The following CNTNAP5 variants were observed in gnomAD, a reference collection of about 807,000 sequenced individuals.
CNTNAP5 encodes contactin-associated protein-like 5.
Under a neutral mutation model 150.2 loss-of-function variants are expected in CNTNAP5, and 72 were observed. The observed-to-expected ratio is 0.48, with a 90% CI of 0.40 to 0.58. CNTNAP5 has a LOEUF of 0.58. CNTNAP5 is among the 20% of genes least tolerant of loss of function. CNTNAP5 has a pLI of 0.00. For missense variants in CNTNAP5, 1,636 were observed against 1,626.2 expected, an observed-to-expected ratio of 1.01 and a Z score of -0.10; for synonymous variants, 672 against 619.8, an observed-to-expected ratio of 1.08 and a Z score of -1.25.
chr2:124,185,176 G>A (rs2104686025), intron 1 of CNTNAP5, among the ~76,000 whole-genome samples: 1 of 152,230 alleles, frequency 6.6e-6, no homozygotes. Context: ...AATCCAAGCT[G>A]AAACTCCACA....
At chr2:124,150,139 G>A (rs2141540) in intron 1 of CNTNAP5, among the ~76,000 whole-genome samples, 152,335 of 152,336 alleles carry the variant, frequency 1, 76,167 homozygotes, top group Non-Finnish European at 1. Context: ...ACAAGAGCGT[G>A]TGGATTTATT....
At chr2:124,410,500 G>A (rs1691723569) in intron 3 of CNTNAP5, among the ~76,000 whole-genome samples, 1 of 144,432 alleles carries the variant, frequency 6.9e-6, no homozygotes, top group East Asian at 2.1e-4. Flanking sequence ...CTCAGCAAAT[G>A]TAAAAGAACA....
chr2:124,221,497 T>A (rs1686311311), intron 1 of CNTNAP5, among the ~76,000 whole-genome samples: 1 of 152,066 alleles, frequency 6.6e-6, no homozygotes, highest in South Asian at 2.1e-4. Flanking sequence ...GAACTTAATT[T>A]TCCTCATCTG....
At chr2:124,910,538 A>G (rs993290536) in intron 22 of CNTNAP5, among the ~76,000 whole-genome samples, 6 of 152,020 alleles carry the variant, frequency 3.9e-5, no homozygotes, top group Non-Finnish European at 8.8e-5. Context: ...CTGCCTGCAC[A>G]TCACCAATCT....
chr2:124,910,937 T>TTTC (rs1239386511), intron 22 of CNTNAP5, among the ~76,000 whole-genome samples: 1 of 151,998 alleles, frequency 6.6e-6, no homozygotes, highest in African/African-American at 2.4e-5. Context: ...AAGACTCAGA[T>TTTC]TAAGGCCTGC....
intron 13 of CNTNAP5, among the ~76,000 whole-genome samples, chr2:124,737,295 A>G (rs1680404631): frequency 6.6e-6 from 1 of 151,912 alleles, no homozygotes; most frequent in African/African-American, 2.4e-5. Context: ...CATCTCAAAA[A>G]AAAAAAAAAA....
chr2:124,077,666 G>A (rs1239868713), intron 1 of CNTNAP5, among the ~76,000 whole-genome samples: 2 of 152,114 alleles, frequency 1.3e-5, no homozygotes, highest in East Asian at 3.9e-4. Context: ...TTCTCTCAAT[G>A]CCATCATGCC....
At chr2:124,771,840 C>T (rs1411996154) in intron 16 of CNTNAP5, among the ~76,000 whole-genome samples, 1 of 151,854 alleles carries the variant, frequency 6.6e-6, no homozygotes, top group African/African-American at 2.4e-5. Context: ...CCACCACTAT[C>T]AACACCACCA....
chr2:124,393,271 C>T (rs1691166473), intron 3 of CNTNAP5, among the ~76,000 whole-genome samples: 2 of 152,152 alleles, frequency 1.3e-5, no homozygotes, highest in South Asian at 4.1e-4. Flanking sequence ...TTTCCCATGA[C>T]TTCTCTGACT....
At chr2:124,398,352 G>T (rs569261002) in intron 3 of CNTNAP5, among the ~76,000 whole-genome samples, 47 of 152,274 alleles carry the variant, frequency 3.1e-4, no homozygotes, top group Admixed American at 7.2e-4. Context: ...TAAGGAATTA[G>T]TTCCCTGTTG....
chr2:124,422,986 A>G (rs1312259192), intron 4 of CNTNAP5, among the ~76,000 whole-genome samples: 2 of 152,196 alleles, frequency 1.3e-5, no homozygotes, highest in Non-Finnish European at 2.9e-5. Flanking sequence ...CTTAGTCTGC[A>G]CTATCATTTC....
intron 9 of CNTNAP5, among the ~76,000 whole-genome samples, chr2:124,526,591 C>G (rs1694974354): frequency 6.6e-6 from 1 of 152,136 alleles, no homozygotes; most frequent in Non-Finnish European, 1.5e-5. Flanking sequence ...TAGATATGCC[C>G]TGGTTGCAAG....
At chr2:124,173,638 G>A (rs1279629883) in intron 1 of CNTNAP5, among the ~76,000 whole-genome samples, 4 of 152,194 alleles carry the variant, frequency 2.6e-5, no homozygotes, top group Non-Finnish European at 2.9e-5. Flanking sequence ...AGAAATATCT[G>A]AAACTAGCAC....
intron 1 of CNTNAP5, among the ~76,000 whole-genome samples, chr2:124,069,924 A>G (rs1429764211): frequency 1.3e-5 from 2 of 152,218 alleles, no homozygotes; most frequent in Non-Finnish European, 2.9e-5. Flanking sequence ...TATATAAACT[A>G]TTCTTAAGTA....
chr2:124,700,213 T>C (rs191199745), intron 13 of CNTNAP5, among the ~76,000 whole-genome samples: 93 of 152,322 alleles, frequency 6.1e-4, no homozygotes, highest in African/African-American at 2.1e-3. Context: ...TTTTTAAGGC[T>C]GAGTAATATT....
In CNTNAP5 at chr2:124,403,650, C is replaced by T. The variant is rs78240740; in HGVS notation, c.382-13793C>T. On this transcript the variant is annotated intron_variant, in intron 3 of 23. Coordinates refer to ENST00000682447, the MANE Select transcript of CNTNAP5 (RefSeq NM_001367498.1). Reference sequence around the variant, plus strand: ...CTGTTCTAGACAATGCAGTTTAAAACGAGATACAATCCAGATTCAAAGAGG... The same window carrying T: ...CTGTTCTAGACAATGCAGTTTAAAATGAGATACAATCCAGATTCAAAGAGG... 3.6e-4 allele frequency among the ~76,000 whole-genome samples: 55 copies of T among 152,256 alleles called. No homozygotes were observed. The East Asian group carries it at 7.5e-3, about 21-fold the overall frequency.
chr2:124,577,376 G>T (rs1398399568), intron 11 of CNTNAP5, among the ~76,000 whole-genome samples: 1 of 152,112 alleles, frequency 6.6e-6, no homozygotes, highest in Non-Finnish European at 1.5e-5. Flanking sequence ...TGATTCCACA[G>T]TTTATTTTGG....
intron 13 of CNTNAP5, among the ~76,000 whole-genome samples, chr2:124,683,622 G>T (rs943762841): frequency 6.6e-6 from 1 of 151,908 alleles, no homozygotes; most frequent in African/African-American, 2.4e-5. Flanking sequence ...TTTAAATAAG[G>T]GAATCTATGA....
chr2:124,495,770 T>C (rs1001504804), intron 7 of CNTNAP5, among the ~76,000 whole-genome samples: 27 of 152,176 alleles, frequency 1.8e-4, no homozygotes, highest in Non-Finnish European at 3.7e-4. Context: ...TTTCAGTACT[T>C]GTCCTTTCCG....
Sources: gnomAD v4.1 joint callset for allele counts (sites outside exome capture counted in the v4.1 genomes callset) on GRCh38, gnomAD v4.1.1 for gene constraint, MANE v1.5 for transcripts, NCBI Gene and HGNC (gene_info 2026-07-23, HGNC 2026-07-21) for gene names.